Variants in SLCO1A2 observed in about 807,000 individuals in gnomAD.
SLCO1A2 encodes the protein OATP-1.
Under a neutral mutation model 69.0 loss-of-function variants are expected in SLCO1A2, and 67 were observed. The observed-to-expected ratio is 0.97, with a 90% confidence interval of 0.80 to 1.19. The LOEUF (loss-of-function observed/expected upper bound fraction) is 1.19, where lower values mean the gene tolerates loss of function less well. SLCO1A2 is among the 50% of genes most tolerant of loss of function. The pLI is 0.00. For missense variants in SLCO1A2, 787 were observed against 793.7 expected, an observed-to-expected ratio of 0.99 and a Z score of 0.10; for synonymous variants, 260 against 265.9, an observed-to-expected ratio of 0.98 and a Z score of 0.22.
At chr12:21,351,335 A>G (rs926525101) in intron 2 of SLCO1A2, among the ~76,000 whole-genome samples, 18 of 152,238 alleles carry the variant, frequency 1.2e-4, no homozygotes, top group African/African-American at 4.3e-4. Context: ...AGTGTGGTCT[A>G]TAGTCCACCT....
At chr12:21,317,315 C>A (rs1441961658) in intron 3 of SLCO1A2, among the ~76,000 whole-genome samples, 1 of 152,164 alleles carries the variant, frequency 6.6e-6, no homozygotes, top group South Asian at 2.1e-4. Flanking sequence ...TTTATCTTGG[C>A]TAGCCAATAT....
intron 2 of SLCO1A2, among the ~76,000 whole-genome samples, chr12:21,329,027 C>G (rs914453763): frequency 1.3e-5 from 2 of 152,132 alleles, no homozygotes; most frequent in African/African-American, 4.8e-5. Flanking sequence ...AGCAATTATC[C>G]AGTCAGTTAG....
chr12:21,417,118 T>C (rs947812831), intron 1 of SLCO1A2, among the ~76,000 whole-genome samples: 2 of 151,976 alleles, frequency 1.3e-5, no homozygotes, highest in African/African-American at 4.8e-5. Context: ...TGACTTCACT[T>C]TTTCTAGAAG....
At chr12:21,334,470 C>G in intron 2 of SLCO1A2, 118 bp downstream of exon 2, 3 of 680,526 alleles carry the variant, frequency 4.4e-6, no homozygotes, top group South Asian at 4.2e-5. Flanking sequence ...ATCAATAGAA[C>G]AGGCAATATG....
At chr12:21,283,679 G>A (rs11533477) in intron 12 of SLCO1A2, among the ~76,000 whole-genome samples, 5,818 of 152,000 alleles carry the variant, frequency 0.038, 477 homozygotes, top group East Asian at 0.35. Flanking sequence ...TCTGACAAGG[G>A]ATTAATAACC....
At chr12:21,407,981 A>G (rs1941849338) in intron 1 of SLCO1A2, among the ~76,000 whole-genome samples, 2 of 152,142 alleles carry the variant, frequency 1.3e-5, no homozygotes, top group Non-Finnish European at 2.9e-5. Flanking sequence ...CATTCAGAAC[A>G]TATTTGGGAG....
chr12:21,414,723 A>G (rs1281214607), intron 1 of SLCO1A2, among the ~76,000 whole-genome samples: 1 of 152,158 alleles, frequency 6.6e-6, no homozygotes, highest in Non-Finnish European at 1.5e-5. Context: ...GATATTTTCA[A>G]TATTTCCAAA....
At chr12:21,355,225 A>G (rs1228089448) in intron 2 of SLCO1A2, among the ~76,000 whole-genome samples, 1 of 152,188 alleles carries the variant, frequency 6.6e-6, no homozygotes, top group Admixed American at 6.5e-5. Flanking sequence ...CGACCTTTAT[A>G]GAGTAGAATT....
chr12:21,274,561 A>G lies in SLCO1A2; in HGVS notation c.1701T>C (p.Phe567=). 1.2e-6 allele frequency: 2 copies of G among 1,612,944 alleles called. No individual in the cohort carries two copies. The highest frequency in any genetic ancestry group is 4.5e-5 in the East Asian group (2 of 44,842). The change falls in exon 14 of 15, where the codon TTT becomes TTC. Residue 567 remains phenylalanine (F), a synonymous_variant. Coordinates refer to ENST00000683939, the MANE Select transcript of SLCO1A2 (RefSeq NM_001386879.1). ...AACATGTGGAATCCATTAAAGCGCC[A>G]AAATATATAGGTGCAGGAATGCCAG... The part of the protein sequence containing the change: ...VFAGIPAPIY[F]GALMDSTCLH...
At chr12:21,309,762 G>C (rs1034480024) in intron 4 of SLCO1A2, among the ~76,000 whole-genome samples, 2 of 152,114 alleles carry the variant, frequency 1.3e-5, no homozygotes, top group Non-Finnish European at 2.9e-5. Context: ...ATAACTGAAT[G>C]TATGAAACAG....
intron 1 of SLCO1A2, among the ~76,000 whole-genome samples, chr12:21,384,080 C>T (rs960173319): frequency 2.0e-5 from 3 of 151,988 alleles, no homozygotes; most frequent in African/African-American, 4.8e-5. Context: ...TGCAAAGTAT[C>T]TGGTATATTT....
In SLCO1A2 at chr12:21,268,142, G is replaced by GCAT. The variant is rs1942268080; in HGVS notation, c.*1403_*1405dup. The GCAT allele has an allele frequency of 6.6e-6, 1 of 151,956 alleles. No homozygotes were observed. The highest frequency in any genetic ancestry group is 2.4e-5 in the African/African-American group (1 of 41,362). The allele number at this position is 151,956 out of a possible 1,614,324, so 9.4% of individuals were successfully genotyped here. A position where few individuals can be genotyped will look rare whatever the true frequency, so the allele number is the denominator to read the frequency against. ...TTAGGAAATCATATTAACCTGTAAAGCATCTGTACAAAGTCCTTCAGTTAA... is the reference window on the plus strand; with the variant it reads ...TTAGGAAATCATATTAACCTGTAAAGCATCATCTGTACAAAGTCCTTCAGTTAA... On this transcript the variant is annotated 3_prime_UTR_variant, in exon 15 of 15. Transcript: ENST00000683939.
chr12:21,299,923 C>G (rs1038284650), intron 8 of SLCO1A2, among the ~76,000 whole-genome samples: 1 of 138,978 alleles, frequency 7.2e-6, no homozygotes, highest in African/African-American at 2.8e-5. Context: ...TATATATATA[C>G]ATGACCCTCT....
chr12:21,415,003 T>C (rs1315829847), intron 1 of SLCO1A2, among the ~76,000 whole-genome samples: 1 of 152,128 alleles, frequency 6.6e-6, no homozygotes, highest in East Asian at 1.9e-4. Context: ...ATGTATCTTT[T>C]CTTCATATTT....
intron 2 of SLCO1A2, among the ~76,000 whole-genome samples, chr12:21,321,981 G>C (rs1365477622): frequency 6.6e-6 from 1 of 152,222 alleles, no homozygotes; most frequent in South Asian, 2.1e-4. Context: ...CTGTGGCCCT[G>C]GTGCCTACTA....
At chr12:21,310,929 T>C (rs903384969) in intron 4 of SLCO1A2, among the ~76,000 whole-genome samples, 4 of 152,202 alleles carry the variant, frequency 2.6e-5, no homozygotes, top group African/African-American at 9.6e-5. Context: ...GATAGCATTT[T>C]ACCCACAGTA....
At chr12:21,373,141 G>A in intron 2 of SLCO1A2, 1 of 589,578 alleles carries the variant, frequency 1.7e-6, no homozygotes, top group Non-Finnish European at 3.0e-6. Flanking sequence ...GCTTAGAGAA[G>A]GAAATTGGGA....
At chr12:21,285,104 C>T (rs1302242214) in intron 12 of SLCO1A2, among the ~76,000 whole-genome samples, 1 of 129,412 alleles carries the variant, frequency 7.7e-6, no homozygotes, top group Middle Eastern at 3.7e-3. Context: ...ATTGATAGAC[C>T]ACTAGCAAGA....
At chr12:21,298,678 C>T (rs1948125738) in intron 8 of SLCO1A2, among the ~76,000 whole-genome samples, 1 of 152,092 alleles carries the variant, frequency 6.6e-6, no homozygotes, top group African/African-American at 2.4e-5. Context: ...CATCCCTGTC[C>T]TAATAGATGA....
Sources: gnomAD v4.1 joint callset for allele counts (sites outside exome capture counted in the v4.1 genomes callset) on GRCh38, gnomAD v4.1.1 for gene constraint, MANE v1.5 for transcripts, NCBI Gene and HGNC (gene_info 2026-07-23, HGNC 2026-07-21) for gene names.